Variants in PPP6R2 observed in about 807,000 individuals in gnomAD.
PPP6R2 encodes protein phosphatase 6 regulatory subunit 2, also known as serine/threonine-protein phosphatase 6 regulatory subunit 2.
In PPP6R2, 62 loss-of-function variants were observed where a neutral mutation model predicts 100.2. The ratio of observed to expected loss-of-function variants is 0.62; its 90% CI spans 0.50 to 0.76. The LOEUF (loss-of-function observed/expected upper bound fraction) is 0.76. PPP6R2 is among the 30% of genes least tolerant of loss of function. The pLI is 0.00. For synonymous variants in PPP6R2, 525 were observed against 514.7 expected (o/e 1.02, Z -0.27); for missense variants, 1,142 against 1,276.3 (o/e 0.89, Z 1.60).
upstream of PPP6R2, among the ~76,000 whole-genome samples, chr22:50,339,991 G>T (rs1003323292): frequency 2.8e-5 from 4 of 140,958 alleles, no homozygotes; most frequent in African/African-American, 1.1e-4. Flanking sequence ...TGTAGTGTGT[G>T]TTATGTGGCG....
intron 2 of PPP6R2, among the ~76,000 whole-genome samples, chr22:50,381,156 A>C (rs2052838587): frequency 6.6e-6 from 1 of 151,120 alleles, no homozygotes; most frequent in Non-Finnish European, 1.5e-5. Flanking sequence ...TCCCTCAAGA[A>C]TGGCACCAAA....
chr22:50,423,620 T>C lies in PPP6R2; in HGVS notation c.1125+6T>C. On this transcript the variant is annotated splice_donor_region_variant and intron_variant, in intron 10 of 23. Coordinates refer to ENST00000612753, the MANE Select transcript of PPP6R2 (RefSeq NM_001242898.2). The surrounding 1 kb of genome is among the most constrained non-coding windows in gnomAD (Gnocchi z 4.8). ...ACACGATGGACTTACTGCTGGTAAG[T>C]GGGCCCCTCAGCCAGCCCTGCATGT... 1 of 1,613,978 alleles carries C rather than the reference T, an allele frequency of 6.2e-7. No homozygotes were observed. The highest frequency in any genetic ancestry group is 8.5e-7 in the Non-Finnish European group (1 of 1,180,010).
chr22:50,339,511 G>GGT (rs779679869), upstream of PPP6R2, among the ~76,000 whole-genome samples: 1 of 129,276 alleles, frequency 7.7e-6, no homozygotes, highest in Non-Finnish European at 1.6e-5. Flanking sequence ...TTGTGTGTGT[G>GGT]GTGTGTGTGG....
chr22:50,401,295 C>T (rs1470630164), intron 3 of PPP6R2, among the ~76,000 whole-genome samples: 1 of 151,578 alleles, frequency 6.6e-6, no homozygotes, highest in African/African-American at 2.4e-5. Context: ...GCAACCTTCA[C>T]CTCCGGGTTC....
At chr22:50,430,205 C>G (rs557610837) in intron 10 of PPP6R2, among the ~76,000 whole-genome samples, 73 of 152,372 alleles carry the variant, frequency 4.8e-4, no homozygotes, top group African/African-American at 1.7e-3. Context: ...TCAGCCACCT[C>G]TGTCCCCCAG....
intron 1 of PPP6R2, among the ~76,000 whole-genome samples, chr22:50,371,136 C>T (rs945359228): frequency 6.6e-6 from 1 of 152,118 alleles, no homozygotes; most frequent in African/African-American, 2.4e-5. Context: ...TCCACCCATC[C>T]TACAAATTAT....
At chr22:50,347,023 C>G (rs2043932447) in intron 1 of PPP6R2, among the ~76,000 whole-genome samples, 1 of 151,996 alleles carries the variant, frequency 6.6e-6, no homozygotes, top group Non-Finnish European at 1.5e-5. Flanking sequence ...TGCCCCCCAT[C>G]AGTGCCAGTG....
chr22:50,378,820 C>T (rs2052232003), intron 2 of PPP6R2, among the ~76,000 whole-genome samples: 2 of 149,910 alleles, frequency 1.3e-5, no homozygotes, highest in African/African-American at 4.9e-5. Context: ...ATTGAGACTG[C>T]AGTGAGCCAT....
intron 1 of PPP6R2, among the ~76,000 whole-genome samples, chr22:50,355,750 T>G (rs1428784058): frequency 1.4e-5 from 2 of 145,122 alleles, no homozygotes; most frequent in East Asian, 2.1e-4. Context: ...CTCGATCTCC[T>G]TACCTCATGA....
chr22:50,335,218 ATTTT>A, the PPP6R2 span, among the ~76,000 whole-genome samples: 1 of 101,658 alleles, frequency 9.8e-6, no homozygotes, highest in Admixed American at 1.1e-4. Context: ...CACCCGGCTA[ATTTT>A]TTTTTTTTTT....
chr22:50,350,971 G>A (rs2044980542), intron 1 of PPP6R2, among the ~76,000 whole-genome samples: 1 of 148,988 alleles, frequency 6.7e-6, no homozygotes, highest in African/African-American at 2.5e-5. Context: ...CATGGTCAAT[G>A]AGCAGTAATA....
rs540598287 is a variant in PPP6R2 at position 50,429,144 on chromosome 22, C to T, written c.1126-2029C>T. Among the ~76,000 whole-genome samples, 29 of 152,224 alleles carry T rather than the reference C, an allele frequency of 1.9e-4. No individual in the cohort carries two copies. In the South Asian group the frequency reaches 3.1e-3, roughly 16 times the overall value. On this transcript the variant is annotated intron_variant, in intron 10 of 23. Coordinates refer to ENST00000612753, the MANE Select transcript of PPP6R2 (RefSeq NM_001242898.2). ...CTCCTGGGCTCAGGCGATTCTCCTG[C>T]CTCAGCCTCCCAAGTAGCTGGGATT...
chr22:50,381,092 T>A lies in PPP6R2; in HGVS notation c.-17+8942T>A, dbSNP rs139652235. 1.0e-2 allele frequency among the ~76,000 whole-genome samples: 1,374 copies of A among 137,954 alleles called. 23 individuals are homozygous for A. Among genetic ancestry groups the A allele is most frequent in the African/African-American group, 0.036 (1,300 of 35,900 alleles). 90.5% of individuals were successfully genotyped at this position (137,954 alleles called of 152,430 possible). A position where few individuals can be genotyped will look rare whatever the true frequency, so the allele number is the denominator to read the frequency against. On this transcript the variant is annotated intron_variant, in intron 2 of 23. Transcript: ENST00000612753. ...TCACGCCATTGCACTCCAGCCTGGG[T>A]GACAGGAATGAAACTTTGTCTCAAA... is the stretch of plus-strand genomic sequence containing the variant.
At chr22:50,349,068 G>A (rs1008710849) in intron 1 of PPP6R2, among the ~76,000 whole-genome samples, 6 of 151,846 alleles carry the variant, frequency 4.0e-5, no homozygotes, top group South Asian at 4.2e-4. Flanking sequence ...GGTGGTGGGC[G>A]CCTGTAATCC....
At position 50,423,686 on chromosome 22, in the gene PPP6R2, C is replaced by A. The variant is rs938590205; in HGVS notation, c.1125+72C>A. ...GCATGGCCTGTGGACTTGTCAGGAG[C>A]AGCAGAGCAGGGCCCCAGCATTTGG... On this transcript the variant is annotated intron_variant, in intron 10 of 23. Transcript: ENST00000612753. The surrounding 1 kb of genome is among the most constrained non-coding windows in gnomAD (Gnocchi z 4.8). The A allele has an allele frequency of 4.5e-6, 7 of 1,561,272 alleles. No individual in the cohort carries two copies. Among genetic ancestry groups the A allele is most frequent in the Non-Finnish European group, 6.1e-6 (7 of 1,142,332 alleles).
intron 1 of PPP6R2, among the ~76,000 whole-genome samples, chr22:50,356,423 C>T (rs1215585040): frequency 6.6e-6 from 1 of 151,700 alleles, no homozygotes; most frequent in African/African-American, 2.4e-5. Context: ...ACACCTCAGC[C>T]TCCCAAGTAG....
chr22:50,355,871 A>G (rs907687917), intron 1 of PPP6R2, among the ~76,000 whole-genome samples: 3 of 151,644 alleles, frequency 2.0e-5, no homozygotes, highest in African/African-American at 7.3e-5. Flanking sequence ...AAAGCTTTTA[A>G]AAATTTTTCT....
At chr22:50,354,793 C>G (rs967962395) in intron 1 of PPP6R2, among the ~76,000 whole-genome samples, 2 of 151,858 alleles carry the variant, frequency 1.3e-5, no homozygotes, top group African/African-American at 2.4e-5. Flanking sequence ...GTGAGACTCT[C>G]TCTCGTACAC....
intron 1 of PPP6R2, among the ~76,000 whole-genome samples, chr22:50,367,793 C>T (rs560850333): frequency 6.6e-6 from 1 of 152,122 alleles, no homozygotes; most frequent in African/African-American, 2.4e-5. Context: ...GACGAGAGAT[C>T]GTAGAAATAA....
Sources: allele counts gnomAD v4.1 joint callset (sites outside exome capture counted in the v4.1 genomes callset), GRCh38; gene constraint gnomAD v4.1.1; non-coding constraint Gnocchi (gnomAD v3.1); transcripts MANE v1.5; gene names NCBI Gene and HGNC (gene_info 2026-07-23, HGNC 2026-07-21).